CSMD3: variants seen among roughly 807,000 people sequenced by gnomAD.
CSMD3 encodes the protein CUB and Sushi multiple domains 3.
A neutral mutation model predicts 435.2 loss-of-function variants in CSMD3; 177 were observed. The observed-to-expected ratio is 0.41, with a 90% confidence interval of 0.36 to 0.46. The LOEUF (loss-of-function observed/expected upper bound fraction) is 0.46. Ranked by LOEUF, CSMD3 falls within the 20% of genes least tolerant of loss-of-function variation. The probability of loss-of-function intolerance (pLI) is 0.34; values close to 1 mark genes in which losing one functional copy is unlikely to be tolerated. For synonymous variants in CSMD3, 1,656 were observed against 1,520.5 expected, an observed-to-expected ratio of 1.09 and a Z score of -2.07; for missense variants, 4,265 against 4,504.6, an observed-to-expected ratio of 0.95 and a Z score of 1.52.
At chr8:112,694,254 G>T (rs1284268133) in intron 13 of CSMD3, among the ~76,000 whole-genome samples, 1 of 152,016 alleles carries the variant, frequency 6.6e-6, no homozygotes. Flanking sequence ...CATAATGGCT[G>T]TTATGCCTAT....
intron 1 of CSMD3, among the ~76,000 whole-genome samples, chr8:113,417,448 A>G (rs1308814114): frequency 1.3e-5 from 2 of 151,970 alleles, no homozygotes; most frequent in Non-Finnish European, 2.9e-5. Context: ...GTTTTTGTGA[A>G]AGATAATTTT....
chr8:112,488,420 T>C (rs1820351561), intron 31 of CSMD3, among the ~76,000 whole-genome samples: 1 of 152,164 alleles, frequency 6.6e-6, no homozygotes, highest in African/African-American at 2.4e-5. Context: ...GTAGTTGTGT[T>C]CTAAGAGTCT....
chr8:112,831,030 G>T (rs188407369), intron 11 of CSMD3, among the ~76,000 whole-genome samples: 2 of 151,880 alleles, frequency 1.3e-5, no homozygotes, highest in African/African-American at 4.8e-5. Flanking sequence ...CTCGTGATCC[G>T]CCCACCTCGG....
intron 1 of CSMD3, among the ~76,000 whole-genome samples, chr8:113,363,926 T>A (rs2094294470): frequency 6.6e-6 from 1 of 152,196 alleles, no homozygotes; most frequent in African/African-American, 2.4e-5. Context: ...TTGGGGATTG[T>A]ATCTAAAAGT....
At chr8:112,782,597 T>C (rs1281592041) in intron 13 of CSMD3, among the ~76,000 whole-genome samples, 1 of 152,050 alleles carries the variant, frequency 6.6e-6, no homozygotes, top group Non-Finnish European at 1.5e-5. Flanking sequence ...TAGAAGGTTA[T>C]AAAACATCAA....
At chr8:112,959,357 C>A (rs1441996543) in intron 7 of CSMD3, among the ~76,000 whole-genome samples, 1 of 151,856 alleles carries the variant, frequency 6.6e-6, no homozygotes, top group Non-Finnish European at 1.5e-5. Flanking sequence ...TATACTCTAA[C>A]TTTGTATTTA....
At chr8:112,970,882 C>A (rs574456131) in intron 7 of CSMD3, among the ~76,000 whole-genome samples, 1 of 151,718 alleles carries the variant, frequency 6.6e-6, no homozygotes, top group East Asian at 1.9e-4. Context: ...CCACCACGCC[C>A]AGCTAATTTT....
chr8:113,212,906 TTA>T lies in CSMD3; in HGVS notation c.515-38992_515-38991del, dbSNP rs2092855943. Among the ~76,000 whole-genome samples the T allele has an allele frequency of 2.4e-5, 3 of 125,918 alleles. No homozygotes were observed. The South Asian group carries it at 7.6e-4, about 32-fold the overall frequency. 82.6% of individuals were successfully genotyped at this position (125,918 alleles called of 152,430 possible). A position where few individuals can be genotyped will look rare whatever the true frequency, so the allele number is the denominator to read the frequency against. ...GTATAATAAAAAATATATATATATA[TTA>T]AAAAAAAAAAAAGAAAATCAAGTTA... On this transcript the variant is annotated intron_variant, in intron 3 of 70. Coordinates refer to ENST00000297405, the MANE Select transcript of CSMD3 (RefSeq NM_198123.2).
At chr8:112,614,686 T>G (rs1156431250) in intron 22 of CSMD3, among the ~76,000 whole-genome samples, 1 of 152,132 alleles carries the variant, frequency 6.6e-6, no homozygotes, top group Non-Finnish European at 1.5e-5. Context: ...CCATTTCCTT[T>G]TAAAATAAAG....
rs11785988 is a variant in CSMD3 at position 113,409,372 on chromosome 8, C to T, written c.178+27305G>A. Among the ~76,000 whole-genome samples the T allele has an allele frequency of 2.6e-5, 4 of 152,042 alleles. No individual in the cohort carries two copies. In the East Asian group the frequency reaches 7.8e-4, roughly 29 times the overall value. ...TGCTGGGATTACAGGCCTGAGCCAC[C>T]GCGCCCGGCCAATAAGACATTTTAC... is the stretch of plus-strand genomic sequence containing the variant. On this transcript the variant is annotated intron_variant, in intron 1 of 70. Coordinates refer to ENST00000297405, the MANE Select transcript of CSMD3 (RefSeq NM_198123.2).
intron 4 of CSMD3, among the ~76,000 whole-genome samples, chr8:113,160,906 T>C (rs1040687103): frequency 1.3e-5 from 2 of 152,060 alleles, no homozygotes; most frequent in Admixed American, 1.3e-4. Flanking sequence ...ATGTGCTATA[T>C]TCAAGGGGAC....
At chr8:112,773,820 G>T (rs997372701) in intron 13 of CSMD3, among the ~76,000 whole-genome samples, 3 of 151,934 alleles carry the variant, frequency 2.0e-5, no homozygotes, top group South Asian at 4.1e-4. Context: ...TAGACGAAAA[G>T]TATATAAATA....
intron 7 of CSMD3, among the ~76,000 whole-genome samples, chr8:112,960,686 A>G (rs1047026735): frequency 6.6e-6 from 1 of 151,784 alleles, no homozygotes; most frequent in Non-Finnish European, 1.5e-5. Context: ...AAAGCACACA[A>G]AAAATAAAAA....
At chr8:113,318,012 T>C (rs1050435544) in intron 1 of CSMD3, among the ~76,000 whole-genome samples, 1 of 152,150 alleles carries the variant, frequency 6.6e-6, no homozygotes, top group Non-Finnish European at 1.5e-5. Flanking sequence ...GTTATAACGG[T>C]CTAATGAGCA....
intron 1 of CSMD3, among the ~76,000 whole-genome samples, chr8:113,391,027 C>T (rs1336049932): frequency 6.6e-6 from 1 of 151,858 alleles, no homozygotes; most frequent in African/African-American, 2.4e-5. Context: ...TATCAGAAGT[C>T]GACAAGGCAC....
At chr8:112,867,708 CA>C (rs1427644919) in intron 10 of CSMD3, among the ~76,000 whole-genome samples, 2 of 151,870 alleles carry the variant, frequency 1.3e-5, no homozygotes, top group African/African-American at 2.4e-5. Flanking sequence ...AAATATCATA[CA>C]AAAAAATTAA....
chr8:113,278,746 T>C lies in CSMD3; in HGVS notation c.402-42A>G, dbSNP rs758732686. 5.7e-5 allele frequency: 52 copies of C among 907,930 alleles called. No individual in the cohort carries two copies. In the Admixed American group the frequency reaches 8.7e-4, roughly 15 times the overall value. 56.2% of individuals were successfully genotyped at this position (907,930 alleles called of 1,614,324 possible). On this transcript the variant is annotated intron_variant, in intron 2 of 70. Coordinates refer to ENST00000297405, the MANE Select transcript of CSMD3 (RefSeq NM_198123.2). ...TTAATTGTTAGAGACATAATCATTT[T>C]ATCTAAGAGTTTTTAAGAAGGATTA...
chr8:112,283,107 A>G (rs1484536736), intron 58 of CSMD3, among the ~76,000 whole-genome samples: 1 of 152,080 alleles, frequency 6.6e-6, no homozygotes, highest in Non-Finnish European at 1.5e-5. Context: ...CAGAAAGATT[A>G]AGTAACTTGC....
At chr8:112,811,042 G>T (rs538755839) in intron 12 of CSMD3, among the ~76,000 whole-genome samples, 1 of 151,936 alleles carries the variant, frequency 6.6e-6, no homozygotes, top group African/African-American at 2.4e-5. Context: ...ATATTTAAAG[G>T]TTATTCCTTC....
Sources: gnomAD v4.1 joint callset for allele counts (sites outside exome capture counted in the v4.1 genomes callset) on GRCh38, gnomAD v4.1.1 for gene constraint, MANE v1.5 for transcripts, NCBI Gene and HGNC (gene_info 2026-07-23, HGNC 2026-07-21) for gene names.